Variants in EYA1 observed in about 807,000 individuals in gnomAD.
The protein encoded by EYA1 is protein phosphatase EYA1.
EYA1 carries 16 observed loss-of-function variants against 82.0 expected under a neutral mutation model. The ratio of observed to expected loss-of-function variants is 0.20; its 90% confidence interval spans 0.13 to 0.30. The LOEUF is 0.30. Among genes scored for constraint, EYA1 ranks in the 10% least tolerant of loss-of-function variants. The pLI, the probability that EYA1 is intolerant of heterozygous loss-of-function variation, is 1.00. For missense variants in EYA1, 633 were observed against 730.7 expected (o/e 0.87, Z 1.54); for synonymous variants, 261 against 264.4 (o/e 0.99, Z 0.12).
chr8:71,468,462 A>G (rs1808933955), intron 2 of EYA1, among the ~76,000 whole-genome samples: 1 of 152,148 alleles, frequency 6.6e-6, no homozygotes, highest in African/African-American at 2.4e-5. Flanking sequence ...ACATCACTCT[A>G]AATAGAATTT....
In EYA1 at chr8:71,397,366, G is replaced by T. The variant is rs143576201; in HGVS notation, c.34-40855C>A. Among the ~76,000 whole-genome samples, 548 of 152,300 alleles carry T rather than the reference G, an allele frequency of 3.6e-3. 3 individuals carry two copies. Among genetic ancestry groups the T allele is most frequent in the African/African-American group, 0.012 (515 of 41,554 alleles). On this transcript the variant is annotated intron_variant, in intron 2 of 18. Coordinates refer to the EYA1 transcript ENST00000643681. ...CTGGTTATTTTGCTCATTAGTTGAT[G>T]CAGTTTCTTCCTAGCATCGATGGTC...
At chr8:71,534,904 TAA>T (rs35440740) in intron 2 of EYA1, among the ~76,000 whole-genome samples, 20 of 126,080 alleles carry the variant, frequency 1.6e-4, no homozygotes, top group Non-Finnish European at 1.3e-4. Context: ...AAATGAAAGC[TAA>T]AAAAAAAAAA....
intron 2 of EYA1, among the ~76,000 whole-genome samples, chr8:71,426,535 G>A (rs975457031): frequency 6.6e-6 from 1 of 152,214 alleles, no homozygotes; most frequent in Admixed American, 6.5e-5. Context: ...CCAGTTCCTG[G>A]CCTAACCGGA....
At chr8:71,214,641 T>C (rs1264943073) in intron 16 of EYA1, among the ~76,000 whole-genome samples, 3 of 152,224 alleles carry the variant, frequency 2.0e-5, no homozygotes, top group Non-Finnish European at 4.4e-5. Context: ...AACAATTTAC[T>C]TAAGTCTCTG....
At chr8:71,220,488 T>C (rs1245223848) in intron 12 of EYA1, among the ~76,000 whole-genome samples, 3 of 152,192 alleles carry the variant, frequency 2.0e-5, no homozygotes, top group African/African-American at 7.2e-5. Flanking sequence ...CTGAAAGATT[T>C]TGCACTCACA....
intron 2 of EYA1, among the ~76,000 whole-genome samples, chr8:71,420,607 T>C (rs796292032): frequency 6.6e-5 from 10 of 152,290 alleles, no homozygotes; most frequent in African/African-American, 2.4e-4. Context: ...AAAGTAATAA[T>C]GGATACAGCA....
At chr8:71,466,746 T>G (rs1808797669) in intron 2 of EYA1, among the ~76,000 whole-genome samples, 1 of 152,104 alleles carries the variant, frequency 6.6e-6, no homozygotes. Flanking sequence ...ATAAAAATAA[T>G]AGAGCAAGAA....
chr8:71,384,465 G>A (rs1225087223), intron 2 of EYA1, among the ~76,000 whole-genome samples: 1 of 152,128 alleles, frequency 6.6e-6, no homozygotes, highest in East Asian at 1.9e-4. Context: ...CCCTCCCCGA[G>A]AAGCCCTTTG....
At chr8:71,521,852 G>T (rs1039322987) in intron 2 of EYA1, among the ~76,000 whole-genome samples, 2 of 152,072 alleles carry the variant, frequency 1.3e-5, no homozygotes, top group South Asian at 2.1e-4. Flanking sequence ...CCCATTTTAA[G>T]TTCAGATTTT....
chr8:71,215,432 C>T lies in EYA1; in HGVS notation c.1552G>A (p.Gly518Arg). Residue 518 changes from glycine (G) to arginine (R), a missense_variant, in exon 16 of 18, where the codon GGA (glycine) becomes AGA (arginine). Coordinates refer to ENST00000340726, the MANE Select transcript of EYA1 (RefSeq NM_000503.6). Reference sequence around the variant, plus strand: ...ATATTTTCTATTGGAAATACAATTCCTAACCCATACAGCAGGACTTTCGCC... The same window carrying T: ...ATATTTTCTATTGGAAATACAATTCTTAACCCATACAGCAGGACTTTCGCC... The part of the protein sequence containing the change: ...ALAKVLLYGL[G>R]IVFPIENIYS... 1 of 1,612,866 alleles carries T rather than the reference C, an allele frequency of 6.2e-7. No homozygotes were observed. Among genetic ancestry groups the T allele is most frequent in the Non-Finnish European group, 8.5e-7 (1 of 1,178,816 alleles).
At chr8:71,525,902 A>G (rs1813780683) in intron 2 of EYA1, among the ~76,000 whole-genome samples, 1 of 152,198 alleles carries the variant, frequency 6.6e-6, no homozygotes, top group African/African-American at 2.4e-5. Context: ...CAACCAAAAC[A>G]TTTTGCACAT....
chr8:71,299,294 T>A (rs1417805584), intron 8 of EYA1, 61 bp from the exon 9 acceptor site: 4 of 1,524,882 alleles, frequency 2.6e-6, no homozygotes, highest in Non-Finnish European at 1.8e-6. Flanking sequence ...CTCTTACATA[T>A]CAAAGTGTAA....
intron 2 of EYA1, among the ~76,000 whole-genome samples, chr8:71,381,108 T>A (rs1731359222): frequency 6.6e-6 from 1 of 152,194 alleles, no homozygotes; most frequent in Non-Finnish European, 1.5e-5. Context: ...CTCGAATCCA[T>A]AAAGCAGCTG....
intron 4 of EYA1, among the ~76,000 whole-genome samples, chr8:71,332,255 T>A (rs764189562): frequency 1.3e-5 from 2 of 152,170 alleles, no homozygotes; most frequent in African/African-American, 2.4e-5. Context: ...TTTACCCCAC[T>A]AGCTTTAACT....
At chr8:71,415,135 C>T (rs1031982056) in intron 2 of EYA1, among the ~76,000 whole-genome samples, 2 of 152,180 alleles carry the variant, frequency 1.3e-5, no homozygotes, top group African/African-American at 2.4e-5. Context: ...ATAAAGGAAA[C>T]TGAGGAAATA....
chr8:71,346,938 C>A, intron 3 of EYA1, among the ~76,000 whole-genome samples: 1 of 152,064 alleles, frequency 6.6e-6, no homozygotes, highest in East Asian at 1.9e-4. Flanking sequence ...GGCTTTATTG[C>A]CAATCCTCCC....
At chr8:71,395,627 T>A (rs1054330134) in intron 2 of EYA1, among the ~76,000 whole-genome samples, 2 of 151,358 alleles carry the variant, frequency 1.3e-5, no homozygotes. Context: ...CAGCCTTGCA[T>A]CCCAGGGATG....
chr8:71,479,480 A>G (rs1325897551), intron 2 of EYA1, among the ~76,000 whole-genome samples: 1 of 151,984 alleles, frequency 6.6e-6, no homozygotes, highest in Non-Finnish European at 1.5e-5. Flanking sequence ...CCCACCCCCC[A>G]GGCTGTAAGG....
intron 2 of EYA1, among the ~76,000 whole-genome samples, chr8:71,406,455 T>A (rs565277810): frequency 3.3e-5 from 5 of 152,202 alleles, no homozygotes; most frequent in African/African-American, 1.2e-4. Flanking sequence ...CATTTCCATC[T>A]GAGGTACCGG....
Sources: gnomAD v4.1 joint callset for allele counts (sites outside exome capture counted in the v4.1 genomes callset) on GRCh38, gnomAD v4.1.1 for gene constraint, MANE v1.5 for transcripts, NCBI Gene and HGNC (gene_info 2026-07-23, HGNC 2026-07-21) for gene names.